Variants in SLC14A2 observed in about 807,000 individuals in gnomAD.
SLC14A2 encodes the protein urea transporter 2.
In SLC14A2, 91 loss-of-function variants were observed where a neutral mutation model predicts 104.6. The observed-to-expected ratio is 0.87, with a 90% confidence interval of 0.73 to 1.04. The LOEUF (loss-of-function observed/expected upper bound fraction) is 1.04. SLC14A2 is among the 50% of genes least tolerant of loss of function. SLC14A2 has a pLI of 0.00. For missense variants in SLC14A2, 1,189 were observed against 1,156.0 expected (o/e 1.03, Z -0.41); for synonymous variants, 476 against 466.4 (o/e 1.02, Z -0.27).
intron 1 of SLC14A2, among the ~76,000 whole-genome samples, chr18:45,399,605 T>C (rs1467225027): frequency 6.6e-6 from 1 of 152,154 alleles, no homozygotes; most frequent in Non-Finnish European, 1.5e-5. Context: ...TTTTTTCCCT[T>C]TTATTATTCT....
intron 2 of SLC14A2, among the ~76,000 whole-genome samples, chr18:45,502,784 C>T (rs1364122210): frequency 6.6e-6 from 1 of 152,100 alleles, no homozygotes; most frequent in African/African-American, 2.4e-5. Flanking sequence ...TTAACTGACA[C>T]ATTCAATGTT....
intron 1 of SLC14A2, among the ~76,000 whole-genome samples, chr18:45,454,590 C>T (rs1395273953): frequency 2.6e-5 from 4 of 152,136 alleles, no homozygotes; most frequent in Non-Finnish European, 5.9e-5. Context: ...TGCCTATGTC[C>T]TGAATGGTAT....
At chr18:45,526,962 G>A (rs1037951826) in intron 2 of SLC14A2, among the ~76,000 whole-genome samples, 2 of 152,144 alleles carry the variant, frequency 1.3e-5, no homozygotes, top group African/African-American at 2.4e-5. Context: ...GACATTGGAT[G>A]GATAATAATG....
intron 10 of SLC14A2, among the ~76,000 whole-genome samples, chr18:45,658,539 C>T (rs755665654): frequency 8.6e-5 from 13 of 151,706 alleles, no homozygotes; most frequent in Non-Finnish European, 1.9e-4. Context: ...CGAGATCATG[C>T]CACTGCACTC....
intron 1 of SLC14A2, among the ~76,000 whole-genome samples, chr18:45,220,131 T>C (rs542473587): frequency 6.6e-6 from 1 of 152,324 alleles, no homozygotes; most frequent in African/African-American, 2.4e-5. Flanking sequence ...CTCTATCAGC[T>C]GAAGTCATTC....
chr18:45,648,043 T>C (rs2045652017), intron 10 of SLC14A2: 1 of 125,364 alleles, frequency 8.0e-6, no homozygotes. Context: ...AAATCAACTA[T>C]AATTGTACTG....
upstream of SLC14A2, among the ~76,000 whole-genome samples, chr18:45,612,113 T>C (rs1200385562): frequency 3.3e-5 from 5 of 152,180 alleles, no homozygotes; most frequent in East Asian, 3.9e-4. Flanking sequence ...CAATGACAGA[T>C]AGCTGAGGCC....
chr18:45,264,568 G>C (rs2144106210), intron 1 of SLC14A2, among the ~76,000 whole-genome samples: 1 of 152,266 alleles, frequency 6.6e-6, no homozygotes, highest in African/African-American at 2.4e-5. Flanking sequence ...CACATGGCTG[G>C]AGTGGCCTCA....
chr18:45,428,349 G>A (rs1338554877), intron 1 of SLC14A2, among the ~76,000 whole-genome samples: 1 of 152,162 alleles, frequency 6.6e-6, no homozygotes, highest in African/African-American at 2.4e-5. Context: ...CAAATTGTTG[G>A]ATAGAAATGA....
chr18:45,672,606 G>A (rs2046159758), intron 16 of SLC14A2, among the ~76,000 whole-genome samples: 1 of 151,656 alleles, frequency 6.6e-6, no homozygotes, highest in African/African-American at 2.4e-5. Context: ...CTAATCAATA[G>A]TACCCTACCT....
At chr18:45,524,793 T>C (rs1470261570) in intron 2 of SLC14A2, among the ~76,000 whole-genome samples, 1 of 152,098 alleles carries the variant, frequency 6.6e-6, no homozygotes, top group African/African-American at 2.4e-5. Flanking sequence ...AGCTGCTCCA[T>C]ATGAAAAATA....
At chr18:45,176,521 C>G in the SLC14A2 span, among the ~76,000 whole-genome samples, 2 of 152,122 alleles carry the variant, frequency 1.3e-5, no homozygotes, top group African/African-American at 4.8e-5. Context: ...ACTAATACTT[C>G]CATTTCTATG....
At chr18:45,530,665 G>T (rs980164949) in intron 2 of SLC14A2, among the ~76,000 whole-genome samples, 5 of 151,882 alleles carry the variant, frequency 3.3e-5, no homozygotes, top group Non-Finnish European at 7.4e-5. Context: ...ATGAGCTTTA[G>T]TTATTGAAAA....
chr18:45,645,622 T>TATAC (rs370081713), intron 10 of SLC14A2, among the ~76,000 whole-genome samples: 4 of 134,858 alleles, frequency 3.0e-5, no homozygotes, highest in East Asian at 2.1e-4. Context: ...AATATATATA[T>TATAC]ACATATACAA....
chr18:45,442,486 C>T (rs1469677624), intron 1 of SLC14A2, among the ~76,000 whole-genome samples: 1 of 152,134 alleles, frequency 6.6e-6, no homozygotes, highest in Admixed American at 6.5e-5. Flanking sequence ...TGCCTTCATC[C>T]TCACACAGTA....
chr18:45,539,903 A>AAAT (rs948629594), intron 2 of SLC14A2, among the ~76,000 whole-genome samples: 2 of 152,028 alleles, frequency 1.3e-5, no homozygotes, highest in Non-Finnish European at 2.9e-5. Context: ...GTAAAAAAAA[A>AAAT]AAAAATTTAA....
intron 2 of SLC14A2, among the ~76,000 whole-genome samples, chr18:45,538,025 G>T (rs1397931552): frequency 6.6e-6 from 1 of 152,180 alleles, no homozygotes; most frequent in Non-Finnish European, 1.5e-5. Context: ...ACACTCATTT[G>T]CTCACACAGT....
At chr18:45,324,790 A>G (rs2085218495) in intron 1 of SLC14A2, among the ~76,000 whole-genome samples, 1 of 150,598 alleles carries the variant, frequency 6.6e-6, no homozygotes, top group Non-Finnish European at 1.5e-5. Context: ...ACCCCTTCAC[A>G]CTGGGTCTTT....
rs372187692 is a variant in SLC14A2, at chr18:45,655,325, G to C, written c.1352-8460G>C. 4.6e-5 allele frequency among the ~76,000 whole-genome samples: 7 copies of C among 152,312 alleles called. No homozygotes were observed. In the East Asian group the frequency reaches 1.3e-3, roughly 29 times the overall value. ...ATATCCTCCAAAACCAGCACCAAAC[G>C]ATATAAGCCTTGGTGAACTTGGTGA... On this transcript the variant is annotated intron_variant, in intron 10 of 19. Transcript: ENST00000255226.
Sources: allele counts gnomAD v4.1 joint callset (sites outside exome capture counted in the v4.1 genomes callset), GRCh38; gene constraint gnomAD v4.1.1; transcripts MANE v1.5; gene names NCBI Gene and HGNC (gene_info 2026-07-23, HGNC 2026-07-21).